Variants in SFSWAP observed in about 807,000 individuals in gnomAD.
SFSWAP encodes splicing factor SWAP, also known as splicing factor, suppressor of white-apricot homolog.
Under a neutral mutation model 100.7 loss-of-function variants are expected in SFSWAP, and 17 were observed. The ratio of observed to expected loss-of-function variants is 0.17; its 90% CI spans 0.12 to 0.25. SFSWAP has a LOEUF of 0.25. Ranked by LOEUF, SFSWAP falls within the 10% of genes least tolerant of loss-of-function variation. SFSWAP has a pLI of 1.00. For synonymous variants in SFSWAP, 504 were observed against 510.1 expected (o/e 0.99, Z 0.16); for missense variants, 1,005 against 1,262.6 (o/e 0.80, Z 3.09).
At chr12:131,719,598 G>T (rs1313810083) in intron 4 of SFSWAP, 59 bp downstream of exon 4, 2 of 1,329,976 alleles carry the variant, frequency 1.5e-6, no homozygotes, top group Non-Finnish European at 2.2e-6. Context: ...ATTCACTCCT[G>T]CTTGTGGGAA....
intron 1 of SFSWAP, 132 bp from the exon 2 acceptor site, chr12:131,713,939 T>G: frequency 1.9e-6 from 1 of 518,372 alleles, no homozygotes; most frequent in African/African-American, 1.9e-5. Context: ...TTTTTATACT[T>G]GTTTTAATAT....
intron 13 of SFSWAP, among the ~76,000 whole-genome samples, chr12:131,777,262 A>G (rs1430351554): frequency 6.6e-6 from 1 of 152,090 alleles, no homozygotes; most frequent in East Asian, 1.9e-4. Flanking sequence ...ATTTAACGTT[A>G]GGTATATCTC....
intron 14 of SFSWAP, among the ~76,000 whole-genome samples, chr12:131,780,704 G>C (rs963659665): frequency 3.9e-5 from 6 of 152,158 alleles, no homozygotes; most frequent in African/African-American, 1.4e-4. Flanking sequence ...TTTCCCACTT[G>C]AATATGTTTC....
chr12:131,782,209 C>T (rs965986465), intron 14 of SFSWAP, among the ~76,000 whole-genome samples: 1 of 152,210 alleles, frequency 6.6e-6, no homozygotes, highest in Non-Finnish European at 1.5e-5. Flanking sequence ...AATTCTGCCT[C>T]AGCTCTTCTG....
chr12:131,779,279 CGGCGCGGGTGGGTGTGTGTG>C (rs1884302751), intron 14 of SFSWAP, among the ~76,000 whole-genome samples: 2 of 151,092 alleles, frequency 1.3e-5, no homozygotes, highest in African/African-American at 4.9e-5. Flanking sequence ...GTGAAGAGGG[CGGCGCGGGTGGGTGTGTGTG>C]AAGAGGGCGG....
At chr12:131,785,281 C>G (rs1343816021) in intron 14 of SFSWAP, 15 of 1,351,114 alleles carry the variant, frequency 1.1e-5, no homozygotes, top group East Asian at 2.6e-5. Flanking sequence ...TAGGAAAGGT[C>G]TGGGAAAAAA....
intron 7 of SFSWAP, among the ~76,000 whole-genome samples, chr12:131,738,885 C>CTTTTTTTTTTTTTTTTTTTGTT (rs1880309840): frequency 2.1e-5 from 1 of 48,718 alleles, no homozygotes; most frequent in Non-Finnish European, 4.1e-5. Flanking sequence ...GAACATTATT[C>CTTTTTTTTTTTTTTTTTTTGTT]TTTTTTTTTT....
chr12:131,799,089 G>A lies in SFSWAP; in HGVS notation c.2770G>A (p.Val924Met), dbSNP rs771987521. The change falls in exon 17 of 18, where the codon GTG (valine) becomes ATG (methionine). Residue 924 changes from valine to methionine, a missense_variant. Physicochemically the swap from Val to Met is conservative, Grantham distance 21 (BLOSUM62 1). This residue lies in a region of SFSWAP where 295 missense variants were observed against 347.9 expected (regional missense o/e 0.85). Transcript: ENST00000261674. The part of the protein sequence containing the change: ...AQISSAIVSS[V>M]QSKITQDLMA... ...GATCTCTTCAGCAATCGTTTCTTCCGTGCAGAGCAAAATCACTCAGGTCAG... is the reference window on the plus strand; with the variant it reads ...GATCTCTTCAGCAATCGTTTCTTCCATGCAGAGCAAAATCACTCAGGTCAG... 1.2e-5 allele frequency: 20 copies of A among 1,613,992 alleles called. No individual in the cohort carries two copies. The highest frequency in any genetic ancestry group is 5.5e-5 in the South Asian group (5 of 91,078).
At position 131,725,622 on chromosome 12, in the gene SFSWAP, A is replaced by G. The variant is rs371241751; in HGVS notation, c.824A>G (p.Glu275Gly). 6.2e-7 allele frequency: 1 copy of G among 1,612,952 alleles called. No homozygotes were observed. The highest frequency in any genetic ancestry group is 1.3e-5 in the African/African-American group (1 of 75,032). ...YTVLAENKSD[E>G]KKKSGVSSDN... ...GTCCTGGCAGAAAACAAAAGTGACG[A>G]GAAAAAAAGTAGGTCCCACTGCGTC... The change falls in exon 5 of 18, where the codon GAG becomes GGG. Residue 275 changes from glutamate (E) to glycine (G), a missense_variant. Coordinates refer to ENST00000261674, the MANE Select transcript of SFSWAP (RefSeq NM_004592.4). This position sits in a 1 kb window ranked among gnomAD's most constrained non-coding sequence, Gnocchi z 4.3.
intron 4 of SFSWAP, among the ~76,000 whole-genome samples, chr12:131,722,574 C>T (rs920278226): frequency 6.6e-6 from 1 of 152,150 alleles, no homozygotes. Flanking sequence ...TAACATAGAA[C>T]CAGCCTTTAT....
At chr12:131,748,432 T>C (rs1392216242) in intron 7 of SFSWAP, among the ~76,000 whole-genome samples, 1 of 152,218 alleles carries the variant, frequency 6.6e-6, no homozygotes, top group Non-Finnish European at 1.5e-5. Context: ...AGTGCTGGGA[T>C]GACAGGTGTA....
chr12:131,711,229 C>G lies in SFSWAP; in HGVS notation c.-1C>G, dbSNP rs1329215186. The G allele has an allele frequency of 6.3e-7, 1 of 1,597,814 alleles. No homozygotes were observed. The highest frequency in any genetic ancestry group is 1.3e-5 in the African/African-American group (1 of 74,672). On this transcript the variant is annotated 5_prime_UTR_variant, in exon 1 of 18. Transcript: ENST00000261674. This position sits in a 1 kb window ranked among gnomAD's most constrained non-coding sequence, Gnocchi z 4.9. ...CCAGCCTGGACGCCGGGGACGCTGT[C>G]ATGTACGGCGCGAGCGGGGGCCGCG...
rs1878859364 is a variant in SFSWAP, at chr12:131,725,377, T to C, written c.607-28T>C. 1 of 1,559,822 alleles carries C rather than the reference T, an allele frequency of 6.4e-7. No individual in the cohort carries two copies. The highest frequency in any genetic ancestry group is 8.8e-7 in the Non-Finnish European group (1 of 1,137,428). On this transcript the variant is annotated intron_variant, in intron 4 of 17. Transcript: ENST00000261674. The surrounding 1 kb of genome is among the most constrained non-coding windows in gnomAD (Gnocchi z 4.3). Reference sequence around the variant, plus strand: ...GCCGGTGGACAAGAGGACAAATGGGTGACGTGAATATGTGTGTTTTCCCGT... The same window carrying C: ...GCCGGTGGACAAGAGGACAAATGGGCGACGTGAATATGTGTGTTTTCCCGT...
intron 13 of SFSWAP, 140 bp from the exon 14 acceptor site, chr12:131,777,925 G>A: frequency 5.8e-6 from 8 of 1,381,362 alleles, no homozygotes; most frequent in Non-Finnish European, 7.7e-6. Context: ...AGGTCACTCT[G>A]GATAGCCACA....
chr12:131,762,376 A>G (rs773121712), intron 11 of SFSWAP, among the ~76,000 whole-genome samples: 24 of 152,376 alleles, frequency 1.6e-4, no homozygotes, highest in Middle Eastern at 3.4e-3. Context: ...GCACCACTGC[A>G]CTGCAGCCTG....
chr12:131,746,704 A>G (rs189452176), intron 7 of SFSWAP, among the ~76,000 whole-genome samples: 3 of 152,306 alleles, frequency 2.0e-5, no homozygotes, highest in African/African-American at 4.8e-5. Context: ...TTGCCTTCCC[A>G]TTTGACAGGT....
rs1183546241 is a variant in SFSWAP, at chr12:131,756,704, T to C, written c.1720+60T>C. The C allele has an allele frequency of 4.2e-6, 6 of 1,441,470 alleles. No individual in the cohort carries two copies. In the African/African-American group the frequency reaches 5.7e-5, roughly 14 times the overall value. 89.3% of individuals were successfully genotyped at this position (1,441,470 alleles called of 1,614,324 possible). A position where few individuals can be genotyped will look rare whatever the true frequency, so the allele number is the denominator to read the frequency against. On this transcript the variant is annotated intron_variant, in intron 11 of 17. Coordinates refer to ENST00000261674, the MANE Select transcript of SFSWAP (RefSeq NM_004592.4). ...CCACCATAAGTTGGCAAGCGTAGGA[T>C]CCTCGGTGACCTCAGACTCAGCGCC...
Position 131,778,366 on chromosome 12 carries a change from A to T in SFSWAP, c.2408+36A>T, listed in dbSNP as rs75324057. ...AGGGGGCAGCACCTCTGGTACCCTC[A>T]TGACCCCCATGTCCTTCACAGGACA... On this transcript the variant is annotated intron_variant, in intron 14 of 17. Transcript: ENST00000261674. The surrounding 1 kb of genome is among the most constrained non-coding windows in gnomAD (Gnocchi z 4.2). The T allele has an allele frequency of 0.22, 345,150 of 1,597,324 alleles. 40,713 individuals carry two copies. Among genetic ancestry groups the T allele is most frequent in the Non-Finnish European group, 0.24 (285,004 of 1,171,400 alleles).
chr12:131,784,934 G>T, intron 14 of SFSWAP: 1 of 551,456 alleles, frequency 1.8e-6, no homozygotes, highest in Non-Finnish European at 2.9e-6. Context: ...CCTGATTATT[G>T]AGTTTATTGT....
Sources: allele counts gnomAD v4.1 joint callset (sites outside exome capture counted in the v4.1 genomes callset), GRCh38; gene constraint gnomAD v4.1.1; regional missense constraint gnomAD v4.1.1; non-coding constraint Gnocchi (gnomAD v3.1); transcripts MANE v1.5; gene names NCBI Gene and HGNC (gene_info 2026-07-23, HGNC 2026-07-21).